The following SAP130 variants were observed in gnomAD, a reference collection of about 807,000 sequenced individuals.
The protein encoded by SAP130 is Sin3A associated protein 130, also known as histone deacetylase complex subunit SAP130.
A neutral mutation model predicts 103.2 loss-of-function variants in SAP130; 16 were observed. The observed-to-expected ratio is 0.16, with a 90% CI of 0.10 to 0.24. The LOEUF (loss-of-function observed/expected upper bound fraction) is 0.24, where lower values mean the gene tolerates loss of function less well. Among genes scored for constraint, SAP130 ranks in the 10% least tolerant of loss-of-function variants. SAP130 has a pLI of 1.00. For missense variants in SAP130, 990 were observed against 1,359.7 expected, an observed-to-expected ratio of 0.73 and a Z score of 4.28; for synonymous variants, 477 against 497.0, an observed-to-expected ratio of 0.96 and a Z score of 0.53.
At chr2:128,018,998 T>G (rs1046658626) in intron 2 of SAP130, among the ~76,000 whole-genome samples, 4 of 150,010 alleles carry the variant, frequency 2.7e-5, no homozygotes, top group Non-Finnish European at 4.4e-5. Context: ...CTAGGGAAGA[T>G]GAGGCAGGAG....
chr2:127,991,762 T>A (rs1241664348), intron 12 of SAP130, among the ~76,000 whole-genome samples: 1 of 152,260 alleles, frequency 6.6e-6, no homozygotes, highest in Non-Finnish European at 1.5e-5. Context: ...TTTGATTTCA[T>A]AAAGCCTACA....
intron 14 of SAP130, among the ~76,000 whole-genome samples, chr2:127,981,031 A>G (rs1201613611): frequency 6.6e-6 from 1 of 152,062 alleles, no homozygotes; most frequent in Non-Finnish European, 1.5e-5. Flanking sequence ...CCTTTGGGAA[A>G]AGATGTTGGT....
rs751572465 is a variant in SAP130 at position 127,955,072 on chromosome 2, C to T, written c.2336G>A (p.Ser779Asn). The change falls in exon 16 of 21, where the codon AGT becomes AAT. Residue 779 changes from serine (S) to asparagine (N), a missense_variant. Physicochemically the swap from Ser to Asn is conservative, Grantham distance 46. Around this residue, in one of 6 missense-constraint regions of SAP130, gnomAD observed 349 missense variants for 384.1 expected, o/e 0.91. Transcript: ENST00000643581. The surrounding 1 kb of genome is among the most constrained non-coding windows in gnomAD (Gnocchi z 4.9). Reference sequence around the variant, plus strand: ...GGGAGGGCCCAAGACGGAGGAAAGACTGCCACCCACAGTGACTGATGGAGG... The same window carrying T: ...GGGAGGGCCCAAGACGGAGGAAAGATTGCCACCCACAGTGACTGATGGAGG... ...APPPSVTVGGSLSSVLGPPVP... is the reference protein window; with the variant it reads ...APPPSVTVGGNLSSVLGPPVP... 17 of 1,614,196 alleles carry T rather than the reference C, an allele frequency of 1.1e-5. No homozygotes were observed. The highest frequency in any genetic ancestry group is 3.3e-5 in the Admixed American group (2 of 60,016).
At chr2:127,956,331 T>C (rs1679836966) in intron 15 of SAP130, among the ~76,000 whole-genome samples, 1 of 152,168 alleles carries the variant, frequency 6.6e-6, no homozygotes, top group Non-Finnish European at 1.5e-5. Context: ...AATAGGTTAG[T>C]GTACGTAAAG....
chr2:128,015,990 T>C (rs1684746763), intron 4 of SAP130, among the ~76,000 whole-genome samples: 1 of 149,004 alleles, frequency 6.7e-6, no homozygotes, highest in African/African-American at 2.5e-5. Context: ...TGAGGTAACC[T>C]ATCCCAAGAG....
chr2:127,944,433 A>AC (rs1553499435), intron 19 of SAP130, among the ~76,000 whole-genome samples: 2 of 150,160 alleles, frequency 1.3e-5, no homozygotes, highest in African/African-American at 2.4e-5. Context: ...TGTCTCTACA[A>AC]TTTTTTTTTT....
chr2:128,022,033 C>T (rs777905356), intron 2 of SAP130, among the ~76,000 whole-genome samples: 8 of 152,302 alleles, frequency 5.3e-5, no homozygotes, highest in Admixed American at 2.6e-4. Flanking sequence ...CAAAAGTATA[C>T]AGCGGTATAA....
chr2:127,999,179 G>A (rs142899079), intron 10 of SAP130, among the ~76,000 whole-genome samples: 114 of 152,158 alleles, frequency 7.5e-4, no homozygotes, highest in African/African-American at 2.7e-3. Flanking sequence ...GGTGTAGGCT[G>A]GTCACCCTAG....
intron 4 of SAP130, 68 bp from the exon 5 acceptor site, chr2:128,014,982 C>A: frequency 7.7e-7 from 1 of 1,303,748 alleles, no homozygotes; most frequent in East Asian, 2.4e-5. Context: ...AGGAAGTCAC[C>A]TGCCTCCAAA....
Position 128,000,395 on chromosome 2 carries a change from G to A in SAP130, c.929C>T (p.Ala310Val). 1 of 1,614,146 alleles carries A rather than the reference G, an allele frequency of 6.2e-7. No homozygotes were observed. The highest frequency in any genetic ancestry group is 8.5e-7 in the Non-Finnish European group (1 of 1,180,020). The change falls in exon 8 of 21, where the codon GCC becomes GTC. Residue 310 changes from alanine (A) to valine (V), a missense_variant. Coordinates refer to ENST00000643581, the MANE Select transcript of SAP130 (RefSeq NM_001330301.2). Reference protein sequence around the residue: ...PSAAISIQRPAQSRDVTTRIT... With the variant: ...PSAAISIQRPVQSRDVTTRIT... Reference sequence around the variant, plus strand: ...TCTTGTTGTGACATCTCGTGACTGGGCAGGACGCTGAATACTGATTGCTGC... The same window carrying A: ...TCTTGTTGTGACATCTCGTGACTGGACAGGACGCTGAATACTGATTGCTGC...
intron 15 of SAP130, among the ~76,000 whole-genome samples, chr2:127,970,217 G>A (rs1308497186): frequency 1.6e-5 from 2 of 121,488 alleles, no homozygotes; most frequent in African/African-American, 3.2e-5. Context: ...GGGAGACTCC[G>A]TCTCAAAAAA....
At position 127,942,572 on chromosome 2, in the gene SAP130, G is replaced by T. The variant is rs570686209; in HGVS notation, c.2902-35C>A. On this transcript the variant is annotated intron_variant, in intron 19 of 20. Transcript: ENST00000643581. The surrounding 1 kb of genome is among the most constrained non-coding windows in gnomAD (Gnocchi z 4.8). ...ACAAAAGGGAGGGTATCATAAGCTCGGAAATATTTTTCTATGTCAACCCCA... is the reference window on the plus strand; with the variant it reads ...ACAAAAGGGAGGGTATCATAAGCTCTGAAATATTTTTCTATGTCAACCCCA... 2.3e-6 allele frequency: 3 copies of T among 1,318,996 alleles called. No individual in the cohort carries two copies. The highest frequency in any genetic ancestry group is 2.9e-5 in the African/African-American group (2 of 68,970). 81.7% of individuals were successfully genotyped at this position (1,318,996 alleles called of 1,614,324 possible).
In SAP130 at chr2:128,000,046, G is replaced by A. The variant is rs1381639252; in HGVS notation, c.1108+10C>T. 12 of 1,612,792 alleles carry A rather than the reference G, an allele frequency of 7.4e-6. No individual in the cohort carries two copies. Among genetic ancestry groups the A allele is most frequent in the South Asian group, 4.4e-5 (4 of 91,054 alleles). On this transcript the variant is annotated intron_variant, in intron 9 of 20. Coordinates refer to ENST00000643581, the MANE Select transcript of SAP130 (RefSeq NM_001330301.2). ...CCCCAGTAGAAGGAAGAGGAGGGTC[G>A]TGGACTTACCAGCTGTGGTCGCTGA...
At chr2:127,968,232 C>G (rs115639467) in intron 15 of SAP130, among the ~76,000 whole-genome samples, 1 of 151,422 alleles carries the variant, frequency 6.6e-6, no homozygotes, top group Non-Finnish European at 1.5e-5. Context: ...CCACAGCCTC[C>G]GGAGTAGCTG....
intron 15 of SAP130, among the ~76,000 whole-genome samples, chr2:127,977,577 G>C (rs1287972069): frequency 6.6e-6 from 1 of 152,148 alleles, no homozygotes; most frequent in Non-Finnish European, 1.5e-5. Flanking sequence ...TTGCTATAAG[G>C]CACATACAAA....
intron 7 of SAP130, among the ~76,000 whole-genome samples, chr2:128,007,393 T>C (rs1684052849): frequency 6.6e-6 from 1 of 152,214 alleles, no homozygotes; most frequent in Non-Finnish European, 1.5e-5. Flanking sequence ...TGCTACTTTA[T>C]ATGAAGGAAC....
chr2:128,017,983 G>T, intron 2 of SAP130, 68 bp from the exon 3 acceptor site: 2 of 1,270,478 alleles, frequency 1.6e-6, no homozygotes, highest in Non-Finnish European at 2.2e-6. Context: ...GCACAGACAA[G>T]AGTGGTACCT....
At chr2:128,004,821 AC>A (rs1350108038) in intron 7 of SAP130, among the ~76,000 whole-genome samples, 5 of 152,206 alleles carry the variant, frequency 3.3e-5, no homozygotes, top group African/African-American at 1.2e-4. Flanking sequence ...GTAATGGCCA[AC>A]AAAATTCAAA....
intron 18 of SAP130, among the ~76,000 whole-genome samples, chr2:127,949,383 C>T (rs1253544284): frequency 2.6e-5 from 4 of 152,216 alleles, no homozygotes; most frequent in Admixed American, 1.3e-4. Context: ...ACCAGAACAA[C>T]AGAACATTCA....
Sources: gnomAD v4.1 joint callset for allele counts (sites outside exome capture counted in the v4.1 genomes callset) on GRCh38, gnomAD v4.1.1 for gene constraint, gnomAD v4.1.1 regional missense constraint, Gnocchi (gnomAD v3.1) non-coding constraint, MANE v1.5 for transcripts, NCBI Gene and HGNC (gene_info 2026-07-23, HGNC 2026-07-21) for gene names.